The following PTPRB variants were observed in gnomAD, a reference collection of about 807,000 sequenced individuals.
PTPRB encodes the protein receptor-type tyrosine-protein phosphatase beta.
In PTPRB, 97 loss-of-function variants were observed where a neutral mutation model predicts 238.1. The observed-to-expected ratio is 0.41, with a 90% confidence interval of 0.35 to 0.48. PTPRB has a LOEUF of 0.48. PTPRB is among the 20% of genes least tolerant of loss of function. The pLI, the probability that PTPRB is intolerant of heterozygous loss-of-function variation, is 0.30. For synonymous variants in PTPRB, 970 were observed against 995.4 expected, an observed-to-expected ratio of 0.97 and a Z score of 0.48; for missense variants, 2,292 against 2,681.9, an observed-to-expected ratio of 0.85 and a Z score of 3.21.
At chr12:70,604,742 G>T (rs1592578099) in intron 4 of PTPRB, among the ~76,000 whole-genome samples, 1 of 152,162 alleles carries the variant, frequency 6.6e-6, no homozygotes, top group East Asian at 1.9e-4. Context: ...ATTAGAGCGG[G>T]CCCTAAGCCA....
chr12:70,529,190 G>C (rs1872817543), intron 32 of PTPRB, among the ~76,000 whole-genome samples: 1 of 152,138 alleles, frequency 6.6e-6, no homozygotes, highest in Non-Finnish European at 1.5e-5. Context: ...AAGGAGAACA[G>C]AACAGGGAAA....
At chr12:70,542,602 A>G (rs1309054398) in intron 22 of PTPRB, 4 of 150,136 alleles carry the variant, frequency 2.7e-5, no homozygotes, top group Non-Finnish European at 4.4e-5. Context: ...ATATATATAT[A>G]TATGGCCTGG....
chr12:70,538,391 CCATGTTG>C, intron 27 of PTPRB, 160 bp from the exon 28 acceptor site: 1 of 590,032 alleles, frequency 1.7e-6, no homozygotes, highest in Non-Finnish European at 3.0e-6. Flanking sequence ...CTAACTTGCC[CCATGTTG>C]CATAGGTGGC....
chr12:70,613,247 G>A (rs529257020), intron 3 of PTPRB, among the ~76,000 whole-genome samples: 1 of 151,836 alleles, frequency 6.6e-6, no homozygotes, highest in Non-Finnish European at 1.5e-5. Context: ...TCCTTACCCC[G>A]GCCCCTCATT....
In PTPRB at chr12:70,576,579, C is replaced by G; in HGVS notation, c.2645G>C (p.Trp882Ser). ...SGRNDYLSVS[W>S]LLAPGDVDNY... Reference sequence around the variant, plus strand: ...ATCCACATCTCCGGGCGCCAGCAGCCAGGAAACGCTGAGGTAGTCATTACG... The same window carrying G: ...ATCCACATCTCCGGGCGCCAGCAGCGAGGAAACGCTGAGGTAGTCATTACG... The change falls in exon 11 of 34, where the codon TGG (tryptophan) becomes TCG (serine). Residue 882 changes from tryptophan to serine, a missense_variant. Coordinates refer to ENST00000334414, the MANE Select transcript of PTPRB (RefSeq NM_001109754.4). The G allele has an allele frequency of 6.5e-7, 1 of 1,547,274 alleles. No homozygotes were observed. The highest frequency in any genetic ancestry group is 1.2e-5 in the South Asian group (1 of 84,024).
At chr12:70,553,939 GCTGT>G (rs1189429077) in intron 20 of PTPRB, among the ~76,000 whole-genome samples, 1 of 152,170 alleles carries the variant, frequency 6.6e-6, no homozygotes, top group African/African-American at 2.4e-5. Flanking sequence ...TAATGGGAAG[GCTGT>G]CTGGCTGGGG....
intron 19 of PTPRB, 34 bp from the exon 20 acceptor site, chr12:70,555,343 G>GTTCCTCTT: frequency 2.5e-6 from 4 of 1,584,560 alleles, no homozygotes; most frequent in Non-Finnish European, 3.4e-6. Context: ...ACCAAGAGGG[G>GTTCCTCTT]TCACAACTCT....
At chr12:70,525,314 A>AAATC (rs1367046796) in intron 32 of PTPRB, 1 of 152,126 alleles carries the variant, frequency 6.6e-6, no homozygotes, top group African/African-American at 2.4e-5. Context: ...CTGAATGAGA[A>AAATC]AATCATTTCA....
chr12:70,587,353 T>C, intron 8 of PTPRB, 86 bp from the exon 9 acceptor site: 1 of 1,411,578 alleles, frequency 7.1e-7, no homozygotes, highest in South Asian at 1.4e-5. Context: ...TCTTCCATCC[T>C]TAAGCGTGTT....
chr12:70,539,936 T>C lies in PTPRB; in HGVS notation c.5678+3A>G. 1.2e-6 allele frequency: 2 copies of C among 1,604,936 alleles called. No homozygotes were observed. The highest frequency in any genetic ancestry group is 2.2e-5 in the East Asian group (1 of 44,834). On this transcript the variant is annotated splice_donor_region_variant and intron_variant, in intron 24 of 33. Coordinates refer to ENST00000334414, the MANE Select transcript of PTPRB (RefSeq NM_001109754.4). ...ATTATACGAAGGCAAATGTGGTGCT[T>C]ACCCTTTCTGGCCCAGGTTTAAGTG...
intron 10 of PTPRB, among the ~76,000 whole-genome samples, chr12:70,579,516 C>G (rs1398462007): frequency 6.6e-6 from 1 of 151,884 alleles, no homozygotes; most frequent in East Asian, 1.9e-4. Flanking sequence ...GGCCAACAAG[C>G]TGAAACCCTG....
intron 3 of PTPRB, among the ~76,000 whole-genome samples, chr12:70,618,498 A>G (rs187743348): frequency 7.9e-5 from 12 of 152,344 alleles, no homozygotes; most frequent in African/African-American, 2.9e-4. Flanking sequence ...CTTAAGTTAA[A>G]GAAGAAATGA....
chr12:70,528,654 CAAACAAAAAATAGAAATAATAAATAAAT>C (rs1872742805), intron 32 of PTPRB, among the ~76,000 whole-genome samples: 1 of 152,184 alleles, frequency 6.6e-6, no homozygotes, highest in African/African-American at 2.4e-5. Flanking sequence ...CGTAAATAAA[CAAACAAAAAATAGAAATAATAAATAAAT>C]GCACATATCC....
chr12:70,572,328 AC>A (rs1413011457), intron 11 of PTPRB, among the ~76,000 whole-genome samples: 2 of 152,240 alleles, frequency 1.3e-5, no homozygotes, highest in African/African-American at 2.4e-5. Context: ...GTTTGCCTGC[AC>A]AAAGTGTCAT....
intron 2 of PTPRB, among the ~76,000 whole-genome samples, chr12:70,631,331 G>T (rs928813557): frequency 6.6e-6 from 1 of 152,138 alleles, no homozygotes; most frequent in Non-Finnish European, 1.5e-5. Context: ...AATGGGGAAA[G>T]GATTCCCTAT....
intron 3 of PTPRB, chr12:70,609,611 C>T (rs1363418051): frequency 1.1e-6 from 1 of 891,378 alleles, no homozygotes; most frequent in Non-Finnish European, 1.7e-6. Flanking sequence ...TTGGGGGGCT[C>T]ACCAGAGGAT....
intron 21 of PTPRB, among the ~76,000 whole-genome samples, chr12:70,549,166 T>C (rs1876517257): frequency 6.6e-6 from 1 of 152,222 alleles, no homozygotes; most frequent in African/African-American, 2.4e-5. Flanking sequence ...AGAAAGATAA[T>C]TATGAATATG....
Position 70,615,170 on chromosome 12 carries a change from A to C in PTPRB, c.709-5831T>G, listed in dbSNP as rs1884622616. 2.0e-5 allele frequency among the ~76,000 whole-genome samples: 3 copies of C among 152,242 alleles called. No homozygotes were observed. In the South Asian group the frequency reaches 6.2e-4, roughly 31 times the overall value. ...TTAAAATAAACAATGAATGCTGCGC[A>C]GTCGGTAAAATTAGAGAATGACAAA... On this transcript the variant is annotated intron_variant, in intron 3 of 33. Coordinates refer to ENST00000334414, the MANE Select transcript of PTPRB (RefSeq NM_001109754.4).
chr12:70,622,601 G>A lies in PTPRB; in HGVS notation c.497C>T (p.Ala166Val), dbSNP rs868787560. ...AAAGGTAGTGAGAATCTGGGGTGGA[G>A]CCGTGTTTCTAGTGCTCCTCACCGA... Reference protein sequence around the residue: ...EVSVRSTRNTAPPQILTTFNA... With the variant: ...EVSVRSTRNTVPPQILTTFNA... The change falls in exon 3 of 34, where the codon GCT becomes GTT. Residue 166 changes from alanine to valine, a missense_variant. Transcript: ENST00000334414. The A allele has an allele frequency of 1.3e-6, 2 of 1,587,492 alleles. No individual in the cohort carries two copies. The highest frequency in any genetic ancestry group is 2.7e-5 in the African/African-American group (2 of 74,390).
Sources: gnomAD v4.1 joint callset for allele counts (sites outside exome capture counted in the v4.1 genomes callset) on GRCh38, gnomAD v4.1.1 for gene constraint, MANE v1.5 for transcripts, NCBI Gene and HGNC (gene_info 2026-07-23, HGNC 2026-07-21) for gene names.